INPP4B: variants seen among roughly 807,000 people sequenced by gnomAD.
INPP4B encodes inositol polyphosphate-4-phosphatase type II B, also known as inositol polyphosphate 4-phosphatase type II.
In INPP4B, 55 loss-of-function variants were observed where a neutral mutation model predicts 122.5. That is an observed-to-expected ratio of 0.45 (90% CI 0.36 to 0.56). The LOEUF is 0.56. INPP4B is among the 20% of genes least tolerant of loss of function. INPP4B has a pLI of 0.00. For synonymous variants in INPP4B, 403 were observed against 388.7 expected (o/e 1.04, Z -0.43); for missense variants, 1,000 against 1,097.7 (o/e 0.91, Z 1.26).
chr4:142,158,612 T>C (rs767786709), intron 17 of INPP4B, among the ~76,000 whole-genome samples: 2 of 152,152 alleles, frequency 1.3e-5, no homozygotes, highest in Non-Finnish European at 2.9e-5. Flanking sequence ...TTTCTAAGCT[T>C]TGTTGCAAAA....
At chr4:142,393,719 C>G (rs1221859782) in intron 7 of INPP4B, among the ~76,000 whole-genome samples, 5 of 152,212 alleles carry the variant, frequency 3.3e-5, no homozygotes, top group Admixed American at 2.6e-4. Flanking sequence ...TGGCCAATCC[C>G]AGCAGCCATA....
At chr4:142,245,989 CAT>C (rs1196908252) in intron 11 of INPP4B, among the ~76,000 whole-genome samples, 5 of 128,482 alleles carry the variant, frequency 3.9e-5, no homozygotes, top group African/African-American at 6.3e-5. Flanking sequence ...TGTATGTATA[CAT>C]ATATATGTGT....
intron 7 of INPP4B, among the ~76,000 whole-genome samples, chr4:142,320,859 T>TGC (rs1769735521): frequency 6.6e-6 from 1 of 152,232 alleles, no homozygotes; most frequent in African/African-American, 2.4e-5. Flanking sequence ...ATTTTCTTTA[T>TGC]CTACTCATTG....
At chr4:142,051,884 T>C (rs1425149828) in intron 25 of INPP4B, among the ~76,000 whole-genome samples, 3 of 152,052 alleles carry the variant, frequency 2.0e-5, no homozygotes, top group Non-Finnish European at 4.4e-5. Context: ...TCTTTTCACT[T>C]GGTAAAGGAT....
At chr4:142,534,584 T>C (rs1827974005) in intron 2 of INPP4B, among the ~76,000 whole-genome samples, 1 of 151,960 alleles carries the variant, frequency 6.6e-6, no homozygotes, top group Non-Finnish European at 1.5e-5. Flanking sequence ...TGGTATTCTC[T>C]TACAACAGCA....
chr4:142,593,104 TAAAAAAA>T, intron 2 of INPP4B, among the ~76,000 whole-genome samples: 1 of 143,136 alleles, frequency 7.0e-6, no homozygotes, highest in East Asian at 2.0e-4. Flanking sequence ...ATCCTGTTTT[TAAAAAAA>T]AAAAAAAATG....
chr4:142,160,980 C>A (rs1253053475), intron 16 of INPP4B, among the ~76,000 whole-genome samples: 1 of 151,964 alleles, frequency 6.6e-6, no homozygotes, highest in Non-Finnish European at 1.5e-5. Flanking sequence ...ACCGCAATTA[C>A]TTTTGCACCA....
chr4:142,739,631 C>G (rs1370069938), intron 1 of INPP4B, among the ~76,000 whole-genome samples: 1 of 151,790 alleles, frequency 6.6e-6, no homozygotes, highest in African/African-American at 2.4e-5. Context: ...CCACGCATCC[C>G]ACAAAGACAG....
intron 2 of INPP4B, among the ~76,000 whole-genome samples, chr4:142,617,076 C>T (rs1446470502): frequency 6.6e-6 from 1 of 152,014 alleles, no homozygotes; most frequent in Non-Finnish European, 1.5e-5. Flanking sequence ...ATACTTTTAC[C>T]TCTAAGATCT....
intron 11 of INPP4B, among the ~76,000 whole-genome samples, chr4:142,242,682 C>T (rs1373407546): frequency 1.3e-5 from 2 of 152,214 alleles, no homozygotes; most frequent in East Asian, 1.9e-4. Flanking sequence ...ACTTTCCTAA[C>T]CACATGTAAT....
At chr4:142,236,157 G>A (rs1044110651) in intron 12 of INPP4B, among the ~76,000 whole-genome samples, 3 of 152,126 alleles carry the variant, frequency 2.0e-5, no homozygotes, top group African/African-American at 7.2e-5. Flanking sequence ...CTCCTGTGAG[G>A]ACTAGCTACT....
intron 3 of INPP4B, among the ~76,000 whole-genome samples, chr4:142,445,691 C>T (rs1236281681): frequency 6.6e-6 from 1 of 152,068 alleles, no homozygotes; most frequent in Non-Finnish European, 1.5e-5. Context: ...ACAACTTGAC[C>T]TAACTGACAC....
At chr4:142,749,649 T>C (rs961113841) in intron 1 of INPP4B, among the ~76,000 whole-genome samples, 1 of 151,900 alleles carries the variant, frequency 6.6e-6, no homozygotes, top group African/African-American at 2.4e-5. Context: ...CTGTATAAGA[T>C]AAAAATTAAT....
At chr4:142,546,950 T>G (rs1338265894) in intron 2 of INPP4B, among the ~76,000 whole-genome samples, 2 of 152,160 alleles carry the variant, frequency 1.3e-5, no homozygotes, top group Admixed American at 1.3e-4. Context: ...AGCAATATTT[T>G]ATGCTCTTTT....
At chr4:142,298,620 G>C (rs1425865495) in intron 9 of INPP4B, among the ~76,000 whole-genome samples, 1 of 130,830 alleles carries the variant, frequency 7.6e-6, no homozygotes, top group African/African-American at 2.8e-5. Context: ...GGATGCAGAG[G>C]TTGCACTGAG....
At chr4:142,469,200 T>C (rs1181181641) in intron 2 of INPP4B, among the ~76,000 whole-genome samples, 1 of 151,884 alleles carries the variant, frequency 6.6e-6, no homozygotes, top group African/African-American at 2.4e-5. Context: ...AAGGTAAATT[T>C]GCAGCAATAG....
chr4:142,248,871 G>C (rs957834739), intron 11 of INPP4B, among the ~76,000 whole-genome samples: 1 of 151,976 alleles, frequency 6.6e-6, no homozygotes, highest in African/African-American at 2.4e-5. Flanking sequence ...CAATGGGAGA[G>C]GGTAGATGCT....
chr4:142,128,344 C>T (rs1799595118), intron 18 of INPP4B, among the ~76,000 whole-genome samples: 1 of 5,162 alleles, frequency 1.9e-4, no homozygotes, highest in African/African-American at 2.2e-4. Flanking sequence ...TACTTTTATA[C>T]ACACACACAC....
intron 1 of INPP4B, among the ~76,000 whole-genome samples, chr4:142,761,788 C>T (rs1187012169): frequency 1.3e-5 from 2 of 152,142 alleles, no homozygotes; most frequent in African/African-American, 2.4e-5. Context: ...GCAGCCCAGA[C>T]TTTTTATATA....
Sources: gnomAD v4.1 joint callset for allele counts (sites outside exome capture counted in the v4.1 genomes callset) on GRCh38, gnomAD v4.1.1 for gene constraint, MANE v1.5 for transcripts, NCBI Gene and HGNC (gene_info 2026-07-23, HGNC 2026-07-21) for gene names.